Variants in MYH11 observed in about 807,000 individuals in gnomAD.
MYH11 encodes myosin heavy chain 11, also known as myosin-11.
MYH11 carries 80 observed loss-of-function variants against 246.6 expected under a neutral mutation model. The ratio of observed to expected loss-of-function variants is 0.32; its 90% CI spans 0.27 to 0.39. The LOEUF (loss-of-function observed/expected upper bound fraction) is 0.39, where lower values mean the gene tolerates loss of function less well. Ranked by LOEUF, MYH11 falls within the 10% of genes least tolerant of loss-of-function variation. The pLI is 1.00. For missense variants in MYH11, 2,158 were observed against 2,546.8 expected, an observed-to-expected ratio of 0.85 and a Z score of 3.29; for synonymous variants, 1,071 against 1,015.5, an observed-to-expected ratio of 1.05 and a Z score of -1.04.
chr16:15,827,901 G>A (rs76022929), intron 2 of MYH11, among the ~76,000 whole-genome samples: 1,901 of 152,256 alleles, frequency 0.012, 42 homozygotes, highest in African/African-American at 0.044. Flanking sequence ...AGCCCAGTCT[G>A]TGGTCACCTG....
In MYH11 at chr16:15,720,986, C is replaced by G; in HGVS notation, c.4644G>C (p.Leu1548=). ...ETQMEEMKTQ[L]EELEDELQAT... is the part of the protein sequence containing the mutation. Reference sequence around the variant, plus strand: ...CTTGCAGCTCGTCCTCCAGCTCTTCCAGCTGCGTCTTCATCTCCTCCATCT... The same window carrying G: ...CTTGCAGCTCGTCCTCCAGCTCTTCGAGCTGCGTCTTCATCTCCTCCATCT... Residue 1548 remains leucine, a synonymous_variant, in exon 33 of 41, where the codon CTG becomes CTC. Transcript: ENST00000300036. 6.2e-7 allele frequency: 1 copy of G among 1,614,124 alleles called. No individual in the cohort carries two copies. Among genetic ancestry groups the G allele is most frequent in the South Asian group, 1.1e-5 (1 of 91,078 alleles).
At chr16:15,841,405 A>T (rs6498583) in intron 1 of MYH11, among the ~76,000 whole-genome samples, 6,458 of 152,270 alleles carry the variant, frequency 0.042, 463 homozygotes, top group African/African-American at 0.14. Flanking sequence ...CTCAAAGTGA[A>T]GGGATTACAG....
intron 31 of MYH11, among the ~76,000 whole-genome samples, chr16:15,722,110 C>T (rs1296081420): frequency 1.6e-4 from 25 of 152,112 alleles, no homozygotes; most frequent in Non-Finnish European, 3.2e-4. Context: ...CCTCCTGCCT[C>T]GGCCTCCCAA....
chr16:15,756,231 C>A, intron 14 of MYH11, 110 bp downstream of exon 14: 1 of 1,255,688 alleles, frequency 8.0e-7, no homozygotes. Flanking sequence ...CAGCAGATGG[C>A]TTTGCAGTTT....
intron 33 of MYH11, 119 bp downstream of exon 33, chr16:15,720,720 G>A (rs1156433568): frequency 3.4e-5 from 38 of 1,125,044 alleles, no homozygotes; most frequent in East Asian, 7.4e-5. Context: ...GCGACAGAGC[G>A]AGACTCTGTT....
At chr16:15,706,642 G>A (rs756961079) in intron 40 of MYH11, among the ~76,000 whole-genome samples, 73 of 152,050 alleles carry the variant, frequency 4.8e-4, no homozygotes, top group Admixed American at 2.0e-3. Flanking sequence ...AGGAGGTGAA[G>A]GCTGCAGTGA....
rs2042282074 is a variant in MYH11 at position 15,778,799 on chromosome 16, C to A, written c.771G>T (p.Val257=). Reference sequence around the variant, plus strand: ...GGATACAGGTCTCAATGTTGGCTCCCACGATGTAACCCGTGACGTCGAAGT... The same window carrying A: ...GGATACAGGTCTCAATGTTGGCTCCAACGATGTAACCCGTGACGTCGAAGT... ...RINFDVTGYI[V]GANIETYLLE... Residue 257 remains valine, a synonymous_variant, in exon 7 of 41, where the codon GTG becomes GTT. Transcript: ENST00000300036. 6.2e-7 allele frequency: 1 copy of A among 1,613,992 alleles called. No homozygotes were observed. The highest frequency in any genetic ancestry group is 8.5e-7 in the Non-Finnish European group (1 of 1,180,028).
chr16:15,759,505 A>G (rs866140844), intron 12 of MYH11, 71 bp downstream of exon 12: 1 of 1,606,172 alleles, frequency 6.2e-7, no homozygotes, highest in Non-Finnish European at 8.5e-7. Context: ...CTCCAAAATC[A>G]TGACTCCTCC....
At chr16:15,719,515 G>C in intron 35 of MYH11, 70 bp downstream of exon 35, 4 of 1,607,780 alleles carry the variant, frequency 2.5e-6, no homozygotes, top group Non-Finnish European at 3.4e-6. Flanking sequence ...GGAATGCACA[G>C]ACTGGAGCTG....
At chr16:15,815,117 T>C (rs1016164246) in intron 3 of MYH11, among the ~76,000 whole-genome samples, 8 of 152,204 alleles carry the variant, frequency 5.3e-5, no homozygotes, top group African/African-American at 1.9e-4. Flanking sequence ...TTTCATATTA[T>C]AGCCAAGCAC....
intron 4 of MYH11, among the ~76,000 whole-genome samples, chr16:15,789,603 C>T (rs1395448428): frequency 6.6e-6 from 1 of 152,130 alleles, no homozygotes. Context: ...GAGTGAAGTC[C>T]CAGCCCCACT....
rs991859397 is a variant in MYH11 at position 15,779,289 on chromosome 16, C to G, written c.727-446G>C. The G allele has an allele frequency of 1.8e-5, 5 of 271,966 alleles. No homozygotes were observed. In the South Asian group the frequency reaches 2.1e-4, roughly 11 times the overall value. The allele number at this position is 271,966 out of a possible 1,614,324, so 16.8% of individuals were successfully genotyped here. A position where few individuals can be genotyped will look rare whatever the true frequency, so the allele number is the denominator to read the frequency against. ...AAGCAGCTAGGACTACAGGCATGCA[C>G]CACCATATCTGGCTAATTTTTAAAT... On this transcript the variant is annotated intron_variant, in intron 6 of 40. Coordinates refer to ENST00000300036, the MANE Select transcript of MYH11 (RefSeq NM_002474.3).
intron 26 of MYH11, among the ~76,000 whole-genome samples, chr16:15,734,623 T>TC (rs2041063294): frequency 6.6e-6 from 1 of 152,184 alleles, no homozygotes; most frequent in Non-Finnish European, 1.5e-5. Context: ...TGTCTGCTTT[T>TC]CTATAGTTTT....
chr16:15,786,207 G>T (rs1172645050), intron 5 of MYH11: 3 of 354,848 alleles, frequency 8.5e-6, no homozygotes, highest in African/African-American at 2.1e-5. Context: ...GATATTTTTG[G>T]TTGTCACAAC....
intron 8 of MYH11, among the ~76,000 whole-genome samples, chr16:15,774,872 G>C (rs1286764213): frequency 6.6e-6 from 1 of 152,174 alleles, no homozygotes; most frequent in Non-Finnish European, 1.5e-5. Flanking sequence ...ACAGGCATGA[G>C]CCACTTTGCC....
At chr16:15,728,408 A>G (rs1732536708) in intron 27 of MYH11, among the ~76,000 whole-genome samples, 2 of 152,168 alleles carry the variant, frequency 1.3e-5, no homozygotes, top group Non-Finnish European at 2.9e-5. Context: ...CTGGAAACAG[A>G]GGGTCTTGCT....
chr16:15,759,654 G>A lies in MYH11; in HGVS notation c.1323C>T (p.Asn441=), dbSNP rs1159394998. ...RLFRWILTRV[N]KALDKTHRQG... is the part of the protein sequence containing the mutation. ...GCCGATGGGTCTTGTCCAGGGCTTT[G>A]TTCACGCGGGTGAGTATCCAGCGGA... Residue 441 remains asparagine (N), a synonymous_variant, in exon 12 of 41, where the codon AAC becomes AAT. Transcript: ENST00000300036. 3 of 1,614,068 alleles carry A rather than the reference G, an allele frequency of 1.9e-6. No individual in the cohort carries two copies. Among genetic ancestry groups the A allele is most frequent in the East Asian group, 4.5e-5 (2 of 44,894 alleles).
intron 2 of MYH11, among the ~76,000 whole-genome samples, chr16:15,832,694 G>T (rs577156703): frequency 1.3e-5 from 2 of 152,112 alleles, no homozygotes; most frequent in African/African-American, 4.8e-5. Context: ...CATAATAAAA[G>T]GTTCAATTCC....
chr16:15,772,182 C>G (rs956473310), intron 8 of MYH11, among the ~76,000 whole-genome samples: 1 of 148,692 alleles, frequency 6.7e-6, no homozygotes, highest in Non-Finnish European at 1.5e-5. Context: ...ACCTCCGCCT[C>G]CCAGGTTCAA....
Sources: allele counts gnomAD v4.1 joint callset (sites outside exome capture counted in the v4.1 genomes callset), GRCh38; gene constraint gnomAD v4.1.1; transcripts MANE v1.5; gene names NCBI Gene and HGNC (gene_info 2026-07-23, HGNC 2026-07-21).